Variants in ANO1 observed in about 807,000 individuals in gnomAD.
The protein encoded by ANO1 is anoctamin 1.
A neutral mutation model predicts 124.0 loss-of-function variants in ANO1; 59 were observed. The observed-to-expected ratio is 0.48, with a 90% CI of 0.39 to 0.59. The LOEUF (loss-of-function observed/expected upper bound fraction) is 0.59. Among genes scored for constraint, ANO1 ranks in the 20% least tolerant of loss-of-function variants. ANO1 has a pLI of 0.00. For missense variants in ANO1, 1,059 were observed against 1,328.0 expected, an observed-to-expected ratio of 0.80 and a Z score of 3.15; for synonymous variants, 529 against 532.0, an observed-to-expected ratio of 0.99 and a Z score of 0.08.
chr11:70,042,302 A>G (rs1354930875), intron 1 of ANO1, among the ~76,000 whole-genome samples: 2 of 152,140 alleles, frequency 1.3e-5, no homozygotes, highest in African/African-American at 4.8e-5. Flanking sequence ...AAGGCATGAA[A>G]ATTGTCCAAT....
chr11:70,020,073 G>A (rs533190889), intron 1 of ANO1, among the ~76,000 whole-genome samples: 52 of 152,340 alleles, frequency 3.4e-4, no homozygotes, highest in East Asian at 1.3e-3. Context: ...CTTGGTGGGC[G>A]GGCGCTAGGT....
At chr11:69,972,804 A>T in the ANO1 span, among the ~76,000 whole-genome samples, 1 of 151,986 alleles carries the variant, frequency 6.6e-6, no homozygotes, top group Non-Finnish European at 1.5e-5. Context: ...ATGCCTGCAG[A>T]TCTACCTGCC....
intron 15 of ANO1, 25 bp from the exon 16 acceptor site, chr11:70,156,922 T>A: frequency 1.2e-6 from 2 of 1,610,270 alleles, no homozygotes; most frequent in Non-Finnish European, 1.7e-6. Flanking sequence ...TTCCAGACAG[T>A]GACCGGCATT....
chr11:70,157,939 C>A (rs2047882773), intron 16 of ANO1, among the ~76,000 whole-genome samples: 1 of 141,824 alleles, frequency 7.1e-6, no homozygotes. Flanking sequence ...GTGGTCACGC[C>A]ACTGCACTCC....
intron 7 of ANO1, 113 bp downstream of exon 7, chr11:70,111,875 C>T (rs2045796142): frequency 8.8e-7 from 1 of 1,138,164 alleles, no homozygotes; most frequent in South Asian, 1.3e-5. Context: ...TCCTGCTTGG[C>T]TCTCGCTGTA....
the ANO1 span, among the ~76,000 whole-genome samples, chr11:69,973,808 G>C: frequency 2.1e-4 from 32 of 151,764 alleles, no homozygotes; most frequent in East Asian, 5.7e-3. Flanking sequence ...GGAGGTGGAG[G>C]TTGCAGTGAG....
intron 1 of ANO1, among the ~76,000 whole-genome samples, chr11:69,993,222 A>G (rs1252164804): frequency 1.3e-5 from 2 of 152,122 alleles, no homozygotes; most frequent in Admixed American, 6.5e-5. Context: ...TACCCTTGAT[A>G]CCCAAGACTT....
chr11:70,087,836 A>G lies in ANO1; in HGVS notation c.193A>G (p.Ile65Val), dbSNP rs748899999. 7 of 1,612,916 alleles carry G rather than the reference A, an allele frequency of 4.3e-6. No individual in the cohort carries two copies. Among genetic ancestry groups the G allele is most frequent in the Non-Finnish European group, 5.9e-6 (7 of 1,179,748 alleles). Reference sequence around the variant, plus strand: ...GGACGGCCGGCGCAAGGTGGACTACATCCTGGTGTACCATCACAAGAGGCC... The same window carrying G: ...GGACGGCCGGCGCAAGGTGGACTACGTCCTGGTGTACCATCACAAGAGGCC... ...FRDGRRKVDY[I>V]LVYHHKRPSG... is the part of the protein sequence containing the mutation. The change falls in exon 2 of 26, where the codon ATC (isoleucine) becomes GTC (valine). Residue 65 changes from isoleucine (I) to valine (V), a missense_variant. Physicochemically the swap from Ile to Val is conservative, Grantham distance 29 (BLOSUM62 3). Transcript: ENST00000355303.
intron 8 of ANO1, among the ~76,000 whole-genome samples, chr11:70,122,426 GTCTC>G (rs1162204359): frequency 5.5e-4 from 64 of 117,342 alleles, no homozygotes; most frequent in African/African-American, 2.0e-3. Flanking sequence ...CTCTGTCTCT[GTCTC>G]TCTCCACCTC....
intron 18 of ANO1, among the ~76,000 whole-genome samples, chr11:70,162,755 T>C (rs1169600457): frequency 1.3e-5 from 2 of 152,172 alleles, no homozygotes; most frequent in African/African-American, 2.4e-5. Context: ...CAGTGCCCCC[T>C]GAGCGCATCC....
upstream of ANO1, among the ~76,000 whole-genome samples, chr11:69,984,544 A>T (rs1554996641): frequency 6.6e-6 from 1 of 152,066 alleles, no homozygotes; most frequent in African/African-American, 2.4e-5. Flanking sequence ...GGCAGGAAAC[A>T]TGTCTTTGTG....
At chr11:69,991,798 C>A (rs2120303929) in intron 1 of ANO1, among the ~76,000 whole-genome samples, 1 of 152,336 alleles carries the variant, frequency 6.6e-6, no homozygotes, top group East Asian at 1.9e-4. Context: ...TACAGTGTAG[C>A]TATAGCCCTT....
intron 11 of ANO1, among the ~76,000 whole-genome samples, chr11:70,145,831 G>A (rs1481419673): frequency 2.0e-5 from 3 of 151,918 alleles, no homozygotes; most frequent in East Asian, 1.9e-4. Flanking sequence ...CAGCTACTTG[G>A]GGGACTGAGG....
rs186109248 is a variant in ANO1 at position 70,098,863 on chromosome 11, T to G, written c.442-4203T>G. The stretch of plus-strand genomic sequence containing the variant: ...CTGTGTATCCACCATGGGGACTCAC[T>G]TCTCCTTTCTGTTTGTGATTTTCTT... On this transcript the variant is annotated intron_variant, in intron 2 of 25. Transcript: ENST00000355303. Among the ~76,000 whole-genome samples the G allele has an allele frequency of 4.8e-3, 726 of 152,276 alleles. 3 individuals carry two copies. Among genetic ancestry groups the G allele is most frequent in the Non-Finnish European group, 8.2e-3 (558 of 68,030 alleles).
At chr11:70,171,576 C>T (rs58254931) in intron 22 of ANO1, among the ~76,000 whole-genome samples, 18,037 of 152,258 alleles carry the variant, frequency 0.12, 1,152 homozygotes, top group Middle Eastern at 0.16. Context: ...AGCCAAGATG[C>T]AACTCAACTC....
intron 1 of ANO1, among the ~76,000 whole-genome samples, chr11:70,061,120 T>C (rs1372059407): frequency 6.6e-6 from 1 of 151,888 alleles, no homozygotes; most frequent in African/African-American, 2.4e-5. Flanking sequence ...GAAGGGTGCA[T>C]GTATGCTGAT....
intron 1 of ANO1, among the ~76,000 whole-genome samples, chr11:70,038,515 G>A (rs1555004677): frequency 2.0e-5 from 3 of 152,166 alleles, no homozygotes; most frequent in Non-Finnish European, 4.4e-5. Context: ...GCCTTGCTGA[G>A]AGATCCTTTG....
intron 22 of ANO1, among the ~76,000 whole-genome samples, chr11:70,177,758 C>A (rs899367001): frequency 6.6e-6 from 1 of 151,992 alleles, no homozygotes; most frequent in African/African-American, 2.4e-5. Context: ...CGCCACCACA[C>A]TCGGCTAATT....
chr11:70,002,228 A>T (rs539853071), intron 1 of ANO1, among the ~76,000 whole-genome samples: 1 of 152,212 alleles, frequency 6.6e-6, no homozygotes, highest in East Asian at 1.9e-4. Flanking sequence ...AGGCAGGTGG[A>T]TCATGAGGTC....
Sources: allele counts gnomAD v4.1 joint callset (sites outside exome capture counted in the v4.1 genomes callset), GRCh38; gene constraint gnomAD v4.1.1; transcripts MANE v1.5; gene names NCBI Gene and HGNC (gene_info 2026-07-23, HGNC 2026-07-21).